The following CCSER1 variants were observed in gnomAD, a reference collection of about 807,000 sequenced individuals.
CCSER1 encodes serine-rich coiled-coil domain-containing protein 1.
In CCSER1, 41 loss-of-function variants were observed where a neutral mutation model predicts 82.0. The ratio of observed to expected loss-of-function variants is 0.50; its 90% CI spans 0.39 to 0.65. CCSER1 has a LOEUF of 0.65. CCSER1 is among the 30% of genes least tolerant of loss of function. The probability of loss-of-function intolerance (pLI) is 0.00; values close to 1 mark genes in which losing one functional copy is unlikely to be tolerated. For missense variants in CCSER1, 1,119 were observed against 1,064.2 expected, an observed-to-expected ratio of 1.05 and a Z score of -0.72; for synonymous variants, 414 against 383.9, an observed-to-expected ratio of 1.08 and a Z score of -0.92.
rs890350223 is a variant in CCSER1 at position 90,661,904 on chromosome 4, GA to G, written c.1932+33684del. On this transcript the variant is annotated intron_variant, in intron 6 of 10. Transcript: ENST00000509176. ...CAGGCATTACTTCCATTCTGCTTAAGAAAAAAAAAAAATTTATTTTAGGTCT... is the reference window on the plus strand; with the variant it reads ...CAGGCATTACTTCCATTCTGCTTAAGAAAAAAAAAAATTTATTTTAGGTCT... 4.6e-3 allele frequency among the ~76,000 whole-genome samples: 651 copies of G among 142,946 alleles called. 6 individuals carry two copies. Among genetic ancestry groups the G allele is most frequent in the African/African-American group, 0.014 (543 of 39,134 alleles). The allele number at this position is 142,946 out of a possible 152,430, so 93.8% of individuals were successfully genotyped here.
chr4:90,371,967 A>G (rs1747508251), intron 3 of CCSER1, among the ~76,000 whole-genome samples: 1 of 152,216 alleles, frequency 6.6e-6, no homozygotes, highest in South Asian at 2.1e-4. Flanking sequence ...ATGAAAATAA[A>G]TTACAAAGAT....
At chr4:91,473,310 G>T (rs999248102) in intron 10 of CCSER1, among the ~76,000 whole-genome samples, 12 of 152,140 alleles carry the variant, frequency 7.9e-5, no homozygotes. Flanking sequence ...ATAAAACCTG[G>T]TGATGCCATG....
In CCSER1 at chr4:91,310,399, C is replaced by CAAA. The variant is rs112210328; in HGVS notation, c.2217+224418_2217+224420dup. On this transcript the variant is annotated intron_variant, in intron 10 of 10. Coordinates refer to ENST00000509176, the MANE Select transcript of CCSER1 (RefSeq NM_001145065.2). ...AATAGCTGATGAGCTAAAACCAATG[C>CAAA]AAAAAAAAAAAAAAATCTCATAATG... 8.1e-4 allele frequency among the ~76,000 whole-genome samples: 113 copies of CAAA among 140,264 alleles called. 1 individual carries two copies. The highest frequency in any genetic ancestry group is 7.5e-3 in the Middle Eastern group (2 of 266). The allele number at this position is 140,264 out of a possible 152,430, so 92.0% of individuals were successfully genotyped here. A position where few individuals can be genotyped will look rare whatever the true frequency, so the allele number is the denominator to read the frequency against.
At chr4:91,492,566 T>C (rs113660295) in intron 10 of CCSER1, among the ~76,000 whole-genome samples, 1,751 of 152,202 alleles carry the variant, frequency 0.012, 12 homozygotes, top group African/African-American at 0.023. Flanking sequence ...CTATAAACTG[T>C]TGGCTCCATG....
chr4:90,398,331 A>G (rs1468874078), intron 3 of CCSER1, among the ~76,000 whole-genome samples: 2 of 152,164 alleles, frequency 1.3e-5, no homozygotes, highest in African/African-American at 2.4e-5. Context: ...TAAATTTTGG[A>G]AGGATACAAT....
At chr4:90,896,224 T>A (rs1723692062) in intron 8 of CCSER1, among the ~76,000 whole-genome samples, 1 of 151,896 alleles carries the variant, frequency 6.6e-6, no homozygotes, top group Admixed American at 6.6e-5. Context: ...GAAGAAAAAA[T>A]TAGAAGATGA....
intron 9 of CCSER1, among the ~76,000 whole-genome samples, chr4:91,047,181 GCTGA>G (rs138623567): frequency 0.044 from 6,615 of 152,014 alleles, 430 homozygotes; most frequent in African/African-American, 0.14. Flanking sequence ...GTTGCAGTGA[GCTGA>G]CTTACTTTTC....
At chr4:90,417,066 G>A (rs1411530574) in intron 4 of CCSER1, among the ~76,000 whole-genome samples, 3 of 152,170 alleles carry the variant, frequency 2.0e-5, no homozygotes, top group Non-Finnish European at 4.4e-5. Context: ...GGGGCAAGAG[G>A]AGGGAGAGAA....
intron 8 of CCSER1, among the ~76,000 whole-genome samples, chr4:90,879,572 A>AGG (rs1720940591): frequency 1.8e-5 from 2 of 109,526 alleles, no homozygotes; most frequent in Non-Finnish European, 3.7e-5. Context: ...GAAGAAGAGG[A>AGG]AGAAGAAGAA....
At chr4:90,297,432 T>C (rs1273175439) in intron 1 of CCSER1, among the ~76,000 whole-genome samples, 3 of 152,016 alleles carry the variant, frequency 2.0e-5, no homozygotes, top group Non-Finnish European at 4.4e-5. Context: ...AATCATGTCA[T>C]CTGCAAACAG....
chr4:91,266,336 T>C (rs1741578687), intron 10 of CCSER1, among the ~76,000 whole-genome samples: 1 of 151,894 alleles, frequency 6.6e-6, no homozygotes, highest in Non-Finnish European at 1.5e-5. Context: ...CACTGCAAGC[T>C]CCGCCTCCTG....
At chr4:91,237,921 C>T (rs1739143296) in intron 10 of CCSER1, among the ~76,000 whole-genome samples, 1 of 152,170 alleles carries the variant, frequency 6.6e-6, no homozygotes, top group African/African-American at 2.4e-5. Flanking sequence ...AAGGAACCAA[C>T]TAACATTTGA....
chr4:90,459,358 T>C (rs1274839413), intron 4 of CCSER1, among the ~76,000 whole-genome samples: 1 of 152,174 alleles, frequency 6.6e-6, no homozygotes. Context: ...AACTCTGAGA[T>C]CTTTTTATTT....
At chr4:90,272,164 G>T (rs1462120194) in intron 1 of CCSER1, among the ~76,000 whole-genome samples, 1 of 151,912 alleles carries the variant, frequency 6.6e-6, no homozygotes, top group African/African-American at 2.4e-5. Flanking sequence ...ATGAGATTTG[G>T]ATGGGGACAC....
chr4:91,332,579 A>AT, intron 10 of CCSER1, among the ~76,000 whole-genome samples: 1 of 152,050 alleles, frequency 6.6e-6, no homozygotes, highest in South Asian at 2.1e-4. Flanking sequence ...CAGATAAAAA[A>AT]AAAGGGCCAT....
intron 10 of CCSER1, among the ~76,000 whole-genome samples, chr4:91,220,289 C>A (rs1737629733): frequency 1.3e-5 from 2 of 152,158 alleles, no homozygotes; most frequent in South Asian, 4.1e-4. Flanking sequence ...AGAATTGCCC[C>A]TGGAAATGTA....
chr4:90,334,856 G>T (rs529539829), intron 3 of CCSER1, among the ~76,000 whole-genome samples: 1 of 152,200 alleles, frequency 6.6e-6, no homozygotes, highest in South Asian at 2.1e-4. Context: ...CAATTTATTA[G>T]TGACTGAAGT....
chr4:91,186,390 C>G (rs1286112106), intron 10 of CCSER1, among the ~76,000 whole-genome samples: 1 of 152,132 alleles, frequency 6.6e-6, no homozygotes, highest in Non-Finnish European at 1.5e-5. Flanking sequence ...TCCGAGCTCC[C>G]CTTCTTACTC....
chr4:90,960,613 T>G (rs1222008083), intron 9 of CCSER1, among the ~76,000 whole-genome samples: 2 of 152,166 alleles, frequency 1.3e-5, no homozygotes, highest in Non-Finnish European at 2.9e-5. Flanking sequence ...GTGTCACTTC[T>G]CTGTGAACTA....
Sources: allele counts gnomAD v4.1 joint callset (sites outside exome capture counted in the v4.1 genomes callset), GRCh38; gene constraint gnomAD v4.1.1; transcripts MANE v1.5; gene names NCBI Gene and HGNC (gene_info 2026-07-23, HGNC 2026-07-21).